SLC44A5: variants seen among roughly 807,000 people sequenced by gnomAD.
SLC44A5 encodes solute carrier family 44 member 5.
Under a neutral mutation model 101.8 loss-of-function variants are expected in SLC44A5, and 57 were observed. The ratio of observed to expected loss-of-function variants is 0.56; its 90% confidence interval spans 0.45 to 0.70. The LOEUF is 0.70. SLC44A5 is among the 30% of genes least tolerant of loss of function. The pLI, the probability that SLC44A5 is intolerant of heterozygous loss-of-function variation, is 0.00. For synonymous variants in SLC44A5, 281 were observed against 290.9 expected, an observed-to-expected ratio of 0.97 and a Z score of 0.35; for missense variants, 737 against 853.1, an observed-to-expected ratio of 0.86 and a Z score of 1.70.
intron 2 of SLC44A5, among the ~76,000 whole-genome samples, chr1:75,436,933 G>A (rs1339211586): frequency 6.6e-6 from 1 of 151,972 alleles, no homozygotes; most frequent in Non-Finnish European, 1.5e-5. Flanking sequence ...GCCAACACGA[G>A]GTTAGGATCG....
At chr1:75,720,926 G>T in the SLC44A5 span, among the ~76,000 whole-genome samples, 1,495 of 152,246 alleles carry the variant, frequency 9.8e-3, 12 homozygotes, top group Non-Finnish European at 0.015. Context: ...CTGACACTTG[G>T]TTAAGTTTAT....
chr1:75,515,585 A>G (rs1489224480), intron 2 of SLC44A5, among the ~76,000 whole-genome samples: 4 of 152,178 alleles, frequency 2.6e-5, no homozygotes, highest in South Asian at 2.1e-4. Context: ...AATTCCATCA[A>G]TGTTGTTGCA....
At chr1:75,567,518 A>G (rs1258122059) in intron 1 of SLC44A5, among the ~76,000 whole-genome samples, 1 of 152,224 alleles carries the variant, frequency 6.6e-6, no homozygotes, top group Non-Finnish European at 1.5e-5. Flanking sequence ...AGCAAAATTC[A>G]TATAGGATGG....
the SLC44A5 span, among the ~76,000 whole-genome samples, chr1:75,617,577 T>A: frequency 1.3e-5 from 2 of 152,218 alleles, no homozygotes; most frequent in African/African-American, 4.8e-5. Context: ...TCATATAATG[T>A]AATATATTGA....
chr1:75,582,502 A>G (rs1430351423), intron 1 of SLC44A5: 2 of 580,436 alleles, frequency 3.4e-6, no homozygotes, highest in Non-Finnish European at 6.1e-6. Flanking sequence ...CTGCAGCTCC[A>G]GCTTCAATTC....
intron 6 of SLC44A5, among the ~76,000 whole-genome samples, chr1:75,264,102 A>G (rs1204920168): frequency 6.7e-6 from 1 of 148,498 alleles, no homozygotes; most frequent in East Asian, 2.0e-4. Flanking sequence ...CATGTTCTGC[A>G]CATGTATCCC....
intron 3 of SLC44A5, among the ~76,000 whole-genome samples, chr1:75,392,811 A>C (rs2101370721): frequency 6.6e-6 from 1 of 152,334 alleles, no homozygotes; most frequent in South Asian, 2.1e-4. Flanking sequence ...ACCAGGGAAT[A>C]CTATGCAGCC....
At chr1:75,256,437 T>C (rs1422698855) in intron 6 of SLC44A5, among the ~76,000 whole-genome samples, 1 of 152,188 alleles carries the variant, frequency 6.6e-6, no homozygotes, top group Non-Finnish European at 1.5e-5. Flanking sequence ...AAATGTGAGA[T>C]GATCCTATGC....
the SLC44A5 span, among the ~76,000 whole-genome samples, chr1:75,682,564 G>A: frequency 2.0e-5 from 3 of 151,974 alleles, no homozygotes; most frequent in African/African-American, 7.3e-5. Flanking sequence ...GTAGAAAGCT[G>A]AAACTGGATC....
At chr1:75,523,851 A>G (rs991242720) in intron 2 of SLC44A5, among the ~76,000 whole-genome samples, 6 of 152,224 alleles carry the variant, frequency 3.9e-5, no homozygotes, top group Admixed American at 2.6e-4. Flanking sequence ...CTGCTAAATC[A>G]TACTACAATG....
At chr1:75,583,177 A>G (rs980667786) in intron 1 of SLC44A5, among the ~76,000 whole-genome samples, 1 of 152,128 alleles carries the variant, frequency 6.6e-6, no homozygotes, top group Admixed American at 6.5e-5. Context: ...CTGGTTTTTT[A>G]TACTCCTTTC....
At chr1:75,642,597 G>A in the SLC44A5 span, among the ~76,000 whole-genome samples, 1 of 152,154 alleles carries the variant, frequency 6.6e-6, no homozygotes, top group Non-Finnish European at 1.5e-5. Flanking sequence ...TCAGGAAGAA[G>A]AGAGAAAAAT....
chr1:75,714,992 A>C, the SLC44A5 span, among the ~76,000 whole-genome samples: 8 of 152,172 alleles, frequency 5.3e-5, no homozygotes, highest in South Asian at 8.3e-4. Flanking sequence ...CAGCATTTCT[A>C]TACACCAACA....
At chr1:75,709,756 T>G in the SLC44A5 span, among the ~76,000 whole-genome samples, 3 of 152,226 alleles carry the variant, frequency 2.0e-5, no homozygotes, top group African/African-American at 7.2e-5. Context: ...GTTTTTTTTC[T>G]CAAAAATCAG....
rs140501541 is a variant in SLC44A5, at chr1:75,571,747, G to A, written c.-69-30231C>T. On this transcript the variant is annotated intron_variant, in intron 1 of 23. Coordinates refer to ENST00000370859, the MANE Select transcript of SLC44A5 (RefSeq NM_001130058.2). ...TGTATTAAATGCCTTTTTGACTTAC[G>A]ACATTTTCAACTTAAAGTGGGTTTA... is the stretch of plus-strand genomic sequence containing the variant. Among the ~76,000 whole-genome samples, 778 of 152,144 alleles carry A rather than the reference G, an allele frequency of 5.1e-3. 8 individuals are homozygous for A. Among genetic ancestry groups the A allele is most frequent in the African/African-American group, 0.018 (741 of 41,496 alleles).
intron 4 of SLC44A5, among the ~76,000 whole-genome samples, chr1:75,305,389 G>A (rs1002148579): frequency 2.0e-5 from 3 of 152,020 alleles, no homozygotes; most frequent in East Asian, 1.9e-4. Context: ...GATCCAATTC[G>A]GTCTGCACAT....
At chr1:75,224,784 C>T (rs1647163171) in intron 13 of SLC44A5, among the ~76,000 whole-genome samples, 1 of 146,532 alleles carries the variant, frequency 6.8e-6, no homozygotes, top group Non-Finnish European at 1.5e-5. Context: ...AAAAAAAAAA[C>T]TTTAAAAATA....
intron 23 of SLC44A5, 109 bp downstream of exon 23, chr1:75,211,359 T>A (rs925565244): frequency 1.4e-6 from 1 of 721,152 alleles, no homozygotes; most frequent in Non-Finnish European, 2.3e-6. Context: ...CGTTTTGTGG[T>A]TGCAGCCAGG....
chr1:75,279,509 C>G (rs1415691469), intron 5 of SLC44A5, among the ~76,000 whole-genome samples: 6 of 152,088 alleles, frequency 3.9e-5, no homozygotes, highest in Non-Finnish European at 8.8e-5. Flanking sequence ...TGCCTACATT[C>G]CTAACCATGG....
Sources: allele counts gnomAD v4.1 joint callset (sites outside exome capture counted in the v4.1 genomes callset), GRCh38; gene constraint gnomAD v4.1.1; transcripts MANE v1.5; gene names NCBI Gene and HGNC (gene_info 2026-07-23, HGNC 2026-07-21).